RDH5: variants seen among roughly 807,000 people sequenced by gnomAD.
The protein encoded by RDH5 is retinol dehydrogenase 5.
A neutral mutation model predicts 24.0 loss-of-function variants in RDH5; 25 were observed. That is an observed-to-expected ratio of 1.04 (90% CI 0.76 to 1.46). RDH5 has a LOEUF of 1.46. Ranked by LOEUF, RDH5 falls within the 40% of genes most tolerant of loss-of-function variation. The pLI is 0.00. For synonymous variants in RDH5, 170 were observed against 175.2 expected (o/e 0.97, Z 0.23); for missense variants, 369 against 410.3 (o/e 0.90, Z 0.87).
At position 55,724,650 on chromosome 12, in the gene RDH5, A is replaced by G. The variant is rs972224107; in HGVS notation, c.*105A>G. 4 of 1,039,664 alleles carry G rather than the reference A, an allele frequency of 3.8e-6. No homozygotes were observed. The highest frequency in any genetic ancestry group is 1.6e-5 in the African/African-American group (1 of 63,304). The allele number at this position is 1,039,664 out of a possible 1,614,324, so 64.4% of individuals were successfully genotyped here. A position where few individuals can be genotyped will look rare whatever the true frequency, so the allele number is the denominator to read the frequency against. Reference sequence around the variant, plus strand: ...TGCCTGCCACAAAATAAGCACTAACAAAAGTGTATTGTTTAAAAAATAAAA... The same window carrying G: ...TGCCTGCCACAAAATAAGCACTAACGAAAGTGTATTGTTTAAAAAATAAAA... On this transcript the variant is annotated 3_prime_UTR_variant, in exon 5 of 5. Transcript: ENST00000257895.
chr12:55,723,962 G>T lies in RDH5; in HGVS notation c.646G>T (p.Glu216Ter), dbSNP rs1245003257. The change falls in exon 4 of 5, where the codon GAG (glutamate) becomes TAG (stop). Residue 216 changes from glutamate (E) to a stop codon, truncating the protein, a stop_gained. Coordinates refer to ENST00000257895, the MANE Select transcript of RDH5 (RefSeq NM_002905.5). LOFTEE classifies it high-confidence loss of function. ...CTTCCGAACCCCTGTGACCAACCTGGAGAGTCTGGAGAAAACCCTGCAGGC... is the reference window on the plus strand; with the variant it reads ...CTTCCGAACCCCTGTGACCAACCTGTAGAGTCTGGAGAAAACCCTGCAGGC... The part of the protein sequence containing the change: ...GFFRTPVTNL[E>*]SLEKTLQACW... The T allele has an allele frequency of 6.2e-7, 1 of 1,614,120 alleles. No homozygotes were observed.
At position 55,724,602 on chromosome 12, in the gene RDH5, GC is replaced by G; in HGVS notation, c.*62del. On this transcript the variant is annotated 3_prime_UTR_variant, in exon 5 of 5. Transcript: ENST00000257895. Reference sequence around the variant, plus strand: ...AGGACAAGGACTTTGATTTATTTCTGCCCCCACCCTGGTACTGCCTGGTGCC... The same window carrying G: ...AGGACAAGGACTTTGATTTATTTCTGCCCCACCCTGGTACTGCCTGGTGCC... 2 of 1,499,696 alleles carry G rather than the reference GC, an allele frequency of 1.3e-6. No individual in the cohort carries two copies. The highest frequency in any genetic ancestry group is 1.8e-6 in the Non-Finnish European group (2 of 1,089,344). The allele number at this position is 1,499,696 out of a possible 1,614,324, so 92.9% of individuals were successfully genotyped here.
In RDH5 at chr12:55,721,979, T is replaced by C. The variant is rs1325871422; in HGVS notation, c.569+32T>C. The C allele has an allele frequency of 1.9e-6, 3 of 1,607,372 alleles. No homozygotes were observed. The highest frequency in any genetic ancestry group is 3.4e-5 in the Admixed American group (2 of 59,072). On this transcript the variant is annotated intron_variant, in intron 3 of 4. Transcript: ENST00000257895. The surrounding 1 kb of genome is among the most constrained non-coding windows in gnomAD (Gnocchi z 4.7). ...GGTACAGGGCTCTGGGTTCCAGGAC[T>C]AACAGCAGCCCACTCAACAAACGTG...
rs774122562 is a variant in RDH5 at position 55,721,469 on chromosome 12, G to A, written c.285G>A (p.Trp95Ter). 5 of 1,610,770 alleles carry A rather than the reference G, an allele frequency of 3.1e-6. No homozygotes were observed. The East Asian group carries it at 1.1e-4, about 36-fold the overall frequency. ...AGAGCGTCCAGCAGGCAGCCAAGTG[G>A]GTGGAGATGCACGTTAAGGAAGCAG... ...DPQSVQQAAK[W>*]VEMHVKEAGL... Residue 95 changes from tryptophan (W) to a stop codon, truncating the protein, a stop_gained, in exon 2 of 5, where the codon TGG (tryptophan) becomes TGA (stop). Coordinates refer to ENST00000257895, the MANE Select transcript of RDH5 (RefSeq NM_002905.5). LOFTEE classifies it high-confidence loss of function. This position sits in a 1 kb window ranked among gnomAD's most constrained non-coding sequence, Gnocchi z 4.7.
Position 55,721,545 on chromosome 12 carries a change from C to T in RDH5, c.310+51C>T. The stretch of plus-strand genomic sequence containing the variant: ...ATGGTGTGGGGTGTCCTGATCCCCA[C>T]AGTCACCCCAGGAGTCACCTGCAAG... On this transcript the variant is annotated intron_variant, in intron 2 of 4. Transcript: ENST00000257895. The surrounding 1 kb of genome is among the most constrained non-coding windows in gnomAD (Gnocchi z 4.7). 3 of 1,596,038 alleles carry T rather than the reference C, an allele frequency of 1.9e-6. No individual in the cohort carries two copies. The highest frequency in any genetic ancestry group is 1.1e-5 in the South Asian group (1 of 90,826).
chr12:55,723,273 TGGA>T (rs1877009474), intron 3 of RDH5: 4 of 154,728 alleles, frequency 2.6e-5, no homozygotes, highest in Admixed American at 2.6e-4. Flanking sequence ...CACTGCATAC[TGGA>T]ACACATACTT....
chr12:55,721,561 C>T lies in RDH5; in HGVS notation c.310+67C>T, dbSNP rs1051623873. On this transcript the variant is annotated intron_variant, in intron 2 of 4. Transcript: ENST00000257895. The surrounding 1 kb of genome is among the most constrained non-coding windows in gnomAD (Gnocchi z 4.7). ...TGATCCCCACAGTCACCCCAGGAGT[C>T]ACCTGCAAGGGCTGTGGTAAGCTAA... 10 of 1,594,462 alleles carry T rather than the reference C, an allele frequency of 6.3e-6. No homozygotes were observed. In the African/African-American group the frequency reaches 1.3e-4, roughly 21 times the overall value.
Position 55,722,000 on chromosome 12 carries a change from A to C in RDH5, c.569+53A>C. 4 of 1,586,764 alleles carry C rather than the reference A, an allele frequency of 2.5e-6. No homozygotes were observed. The highest frequency in any genetic ancestry group is 3.4e-6 in the Non-Finnish European group (4 of 1,164,364). ...GGACTAACAGCAGCCCACTCAACAA[A>C]CGTGGGCCAGCAGAGGTGGTTAAGA... On this transcript the variant is annotated intron_variant, in intron 3 of 4. Transcript: ENST00000257895. This position sits in a 1 kb window ranked among gnomAD's most constrained non-coding sequence, Gnocchi z 4.7.
chr12:55,724,190 C>T, intron 4 of RDH5, 132 bp from the exon 5 acceptor site: 3 of 1,440,734 alleles, frequency 2.1e-6, no homozygotes, highest in Non-Finnish European at 2.9e-6. Context: ...GTGCCCAGGC[C>T]ATGTGGAACC....
In RDH5 at chr12:55,723,622, C is replaced by A. The variant is rs138715902; in HGVS notation, c.570-264C>A. 2.5e-3 allele frequency: 1,218 copies of A among 481,862 alleles called. 10 individuals carry two copies. Among genetic ancestry groups the A allele is most frequent in the African/African-American group, 0.021 (1,089 of 51,142 alleles). 29.8% of individuals were successfully genotyped at this position (481,862 alleles called of 1,614,324 possible). A position where few individuals can be genotyped will look rare whatever the true frequency, so the allele number is the denominator to read the frequency against. ...CCTGATAATATCATTAATTTTGTTT[C>A]TTGGCCTGCCATGCTTAAAATATTA... On this transcript the variant is annotated intron_variant, in intron 3 of 4. Transcript: ENST00000257895.
At chr12:55,723,139 A>G (rs1441305234) in intron 3 of RDH5, 1 of 152,306 alleles carries the variant, frequency 6.6e-6, no homozygotes, top group East Asian at 1.9e-4. Context: ...GCGTGCCAGC[A>G]TGCCTGGCTA....
At chr12:55,722,386 G>A in intron 3 of RDH5, 1 of 170,990 alleles carries the variant, frequency 5.8e-6, no homozygotes, top group South Asian at 1.4e-4. Context: ...CTGACCTCGT[G>A]ATCCGCCCAC....
Position 55,721,071 on chromosome 12 carries a change from A to C in RDH5, c.-32-82A>C. ...GATAATTTCTCAATATGCTCACACC[A>C]GATGCTTCCAGCTAGGGAGGGTATT... On this transcript the variant is annotated intron_variant, in intron 1 of 4. Coordinates refer to ENST00000257895, the MANE Select transcript of RDH5 (RefSeq NM_002905.5). The surrounding 1 kb of genome is among the most constrained non-coding windows in gnomAD (Gnocchi z 4.7). 1 of 920,974 alleles carries C rather than the reference A, an allele frequency of 1.1e-6. No homozygotes were observed. The allele number at this position is 920,974 out of a possible 1,614,324, so 57.1% of individuals were successfully genotyped here.
intron 4 of RDH5, 21 bp from the exon 5 acceptor site, chr12:55,724,301 C>T (rs1454689618): frequency 4.3e-6 from 7 of 1,613,410 alleles, no homozygotes; most frequent in South Asian, 3.3e-5. Context: ...AAACTGATTG[C>T]AACCACCTAT....
At chr12:55,723,853 G>T in intron 3 of RDH5, 33 bp from the exon 4 acceptor site, 1 of 1,610,590 alleles carries the variant, frequency 6.2e-7, no homozygotes, top group South Asian at 1.1e-5. Flanking sequence ...TATAGGGCAA[G>T]AACCCAGCAA....
At chr12:55,720,799 G>A in intron 1 of RDH5, 1 of 243,552 alleles carries the variant, frequency 4.1e-6, no homozygotes, top group South Asian at 5.5e-5. Context: ...CAGTGTCCCT[G>A]GTTTAGAAGG....
At chr12:55,722,038 G>T in intron 3 of RDH5, 91 bp downstream of exon 3, 1 of 1,337,442 alleles carries the variant, frequency 7.5e-7, no homozygotes. Flanking sequence ...CAGCACATTG[G>T]AATAGTTAAG....
chr12:55,720,883 C>CAA (rs4016511), intron 1 of RDH5: 14,487 of 97,954 alleles, frequency 0.15, 1,809 homozygotes, highest in African/African-American at 0.39. Flanking sequence ...GACTCCATCT[C>CAA]AAAAAAAAAA....
Position 55,721,195 on chromosome 12 carries a change from C to T in RDH5, c.11C>T (p.Pro4Leu), listed in dbSNP as rs371314053. The T allele has an allele frequency of 1.2e-6, 2 of 1,613,986 alleles. No individual in the cohort carries two copies. Among genetic ancestry groups the T allele is most frequent in the African/African-American group, 2.7e-5 (2 of 75,058 alleles). The part of the protein sequence containing the change: MWL[P>L]LLLGALLWAV... ...ACTTGGGCTCCAGCTATGTGGCTGC[C>T]TCTTCTGCTGGGTGCCTTACTCTGG... Residue 4 changes from proline to leucine, a missense_variant, in exon 2 of 5, where the codon CCT (proline) becomes CTT (leucine). Physicochemically the swap from Pro to Leu is moderately conservative, Grantham distance 98. Transcript: ENST00000257895. This position sits in a 1 kb window ranked among gnomAD's most constrained non-coding sequence, Gnocchi z 4.7.
Sources: allele counts gnomAD v4.1 joint callset, GRCh38; gene constraint gnomAD v4.1.1; non-coding constraint Gnocchi (gnomAD v3.1); transcripts MANE v1.5; gene names NCBI Gene and HGNC (gene_info 2026-07-23, HGNC 2026-07-21).